Variants in RSBN1L observed in about 807,000 individuals in gnomAD.
The protein encoded by RSBN1L is lysine-specific demethylase RSBN1L.
A neutral mutation model predicts 67.7 loss-of-function variants in RSBN1L; 30 were observed. That is an observed-to-expected ratio of 0.44 (90% CI 0.33 to 0.60). The LOEUF (loss-of-function observed/expected upper bound fraction) is 0.60. Among genes scored for constraint, RSBN1L ranks in the 20% least tolerant of loss-of-function variants. RSBN1L has a pLI of 0.02. For synonymous variants in RSBN1L, 433 were observed against 387.0 expected (o/e 1.12, Z -1.39); for missense variants, 992 against 1,031.7 (o/e 0.96, Z 0.53).
intron 1 of RSBN1L, among the ~76,000 whole-genome samples, chr7:77,709,198 A>ATGTGTATGTGTATG (rs11268837): frequency 1.6e-5 from 1 of 63,644 alleles, no homozygotes; most frequent in South Asian, 4.5e-4. Flanking sequence ...GTGTGTGTGT[A>ATGTGTATGTGTATG]TGTATGTGTA....
chr7:77,735,487 TC>T (rs1456766446), intron 1 of RSBN1L, among the ~76,000 whole-genome samples: 1 of 152,158 alleles, frequency 6.6e-6, no homozygotes, highest in East Asian at 1.9e-4. Flanking sequence ...TAGACAGTAA[TC>T]TAATCACTAC....
rs188201729 is a variant in RSBN1L at position 77,750,665 on chromosome 7, C to A, written c.1344+601C>A. On this transcript the variant is annotated intron_variant, in intron 3 of 7. Transcript: ENST00000334955. ...CTGGGTCTTGAACATCAGTGTGGGCCCATCTGAAAGGCTGGTGCCATTATC... is the reference window on the plus strand; with the variant it reads ...CTGGGTCTTGAACATCAGTGTGGGCACATCTGAAAGGCTGGTGCCATTATC... 9.2e-5 allele frequency among the ~76,000 whole-genome samples: 14 copies of A among 152,126 alleles called. 1 individual carries two copies. Among genetic ancestry groups the A allele is most frequent in the Admixed American group, 2.6e-4 (4 of 15,274 alleles).
chr7:77,718,725 G>A (rs1182233050), intron 1 of RSBN1L, among the ~76,000 whole-genome samples: 1 of 152,162 alleles, frequency 6.6e-6, no homozygotes, highest in African/African-American at 2.4e-5. Flanking sequence ...ATCTCTTAAT[G>A]CATAACAAAC....
intron 2 of RSBN1L, among the ~76,000 whole-genome samples, chr7:77,745,262 C>CAA (rs372240966): frequency 1.9e-4 from 14 of 74,822 alleles, no homozygotes; most frequent in East Asian, 3.4e-4. Flanking sequence ...AACTCCGTCT[C>CAA]AAAAAAAAAA....
intron 1 of RSBN1L, among the ~76,000 whole-genome samples, chr7:77,702,649 G>A (rs1790833874): frequency 6.6e-6 from 1 of 152,124 alleles, no homozygotes; most frequent in African/African-American, 2.4e-5. Flanking sequence ...GAGAGGAGGG[G>A]TGTCTTAGTC....
At chr7:77,732,846 A>G (rs1359376622) in intron 1 of RSBN1L, among the ~76,000 whole-genome samples, 2 of 152,162 alleles carry the variant, frequency 1.3e-5, no homozygotes, top group Non-Finnish European at 2.9e-5. Context: ...CACAAACTCC[A>G]TTTTACAGCT....
intron 2 of RSBN1L, among the ~76,000 whole-genome samples, chr7:77,740,302 A>G (rs1216052458): frequency 1.3e-5 from 2 of 152,102 alleles, no homozygotes; most frequent in Non-Finnish European, 2.9e-5. Context: ...GTTGTTTATT[A>G]ATGATAAAGT....
chr7:77,697,289 T>G (rs1478936113), intron 1 of RSBN1L: 3 of 384,094 alleles, frequency 7.8e-6, no homozygotes, highest in Non-Finnish European at 1.3e-5. Context: ...CTGTATCGTT[T>G]CTTCCTCCCA....
intron 2 of RSBN1L, among the ~76,000 whole-genome samples, chr7:77,741,235 C>T (rs1335253129): frequency 6.6e-6 from 1 of 151,650 alleles, no homozygotes; most frequent in Non-Finnish European, 1.5e-5. Context: ...AGTCCACCCG[C>T]CTCAGCCTCC....
chr7:77,719,008 G>A (rs1305173389), intron 1 of RSBN1L, among the ~76,000 whole-genome samples: 2 of 152,138 alleles, frequency 1.3e-5, no homozygotes, highest in Non-Finnish European at 1.5e-5. Flanking sequence ...ATTCCACATG[G>A]TCTGTTAATT....
chr7:77,736,698 CAT>C (rs1791341641), intron 2 of RSBN1L, among the ~76,000 whole-genome samples, 172 bp downstream of exon 2: 1 of 152,098 alleles, frequency 6.6e-6, no homozygotes, highest in East Asian at 1.9e-4. Flanking sequence ...TGTATGGTAA[CAT>C]GTCTTATAGT....
chr7:77,701,926 T>G (rs906633367), intron 1 of RSBN1L, among the ~76,000 whole-genome samples: 4 of 152,140 alleles, frequency 2.6e-5, no homozygotes, highest in African/African-American at 4.8e-5. Flanking sequence ...GTGCTGGGGT[T>G]ATAGGCGTGA....
chr7:77,703,128 C>G (rs1790840416), intron 1 of RSBN1L, among the ~76,000 whole-genome samples: 1 of 152,170 alleles, frequency 6.6e-6, no homozygotes, highest in African/African-American at 2.4e-5. Flanking sequence ...TTTACCTAGT[C>G]TCCCTGTTTT....
chr7:77,705,336 G>T (rs1263406037), intron 1 of RSBN1L, among the ~76,000 whole-genome samples: 1 of 152,054 alleles, frequency 6.6e-6, no homozygotes, highest in African/African-American at 2.4e-5. Flanking sequence ...TAAATTGAAA[G>T]TTAACTATAA....
chr7:77,727,488 T>A (rs765447081), intron 1 of RSBN1L, among the ~76,000 whole-genome samples: 10 of 152,210 alleles, frequency 6.6e-5, no homozygotes, highest in Admixed American at 4.6e-4. Flanking sequence ...ATAAGAATTG[T>A]CACTTTTATT....
intron 1 of RSBN1L, among the ~76,000 whole-genome samples, chr7:77,715,343 G>A (rs1384789900): frequency 8.6e-5 from 13 of 152,016 alleles, no homozygotes; most frequent in African/African-American, 2.4e-5. Flanking sequence ...GGGATATTTT[G>A]TGTGTGTGAC....
At chr7:77,730,002 T>C (rs1027088358) in intron 1 of RSBN1L, among the ~76,000 whole-genome samples, 7 of 152,210 alleles carry the variant, frequency 4.6e-5, no homozygotes, top group African/African-American at 1.2e-4. Flanking sequence ...TTAATCTTTA[T>C]GTGTGGGCTA....
Position 77,781,088 on chromosome 7 carries a change from C to G in RSBN1L, c.*1920C>G, listed in dbSNP as rs1791992164. ...GCTTATATTTCTGGTTAGGGCGAAG[C>G]CATTTAGGAAGAAGCATTTCACCAG... On this transcript the variant is annotated 3_prime_UTR_variant, in exon 8 of 8. Transcript: ENST00000334955. 1 of 152,110 alleles carries G rather than the reference C, an allele frequency of 6.6e-6. No individual in the cohort carries two copies. The highest frequency in any genetic ancestry group is 6.6e-5 in the Admixed American group (1 of 15,258). The allele number at this position is 152,110 out of a possible 1,614,324, so 9.4% of individuals were successfully genotyped here.
At chr7:77,753,568 T>C (rs1282111584) in intron 3 of RSBN1L, among the ~76,000 whole-genome samples, 1 of 152,238 alleles carries the variant, frequency 6.6e-6, no homozygotes. Flanking sequence ...TCTTACCTTT[T>C]CACTCATAGA....
Sources: allele counts gnomAD v4.1 joint callset (sites outside exome capture counted in the v4.1 genomes callset), GRCh38; gene constraint gnomAD v4.1.1; transcripts MANE v1.5; gene names NCBI Gene and HGNC (gene_info 2026-07-23, HGNC 2026-07-21).